Variants in MTAP observed in about 807,000 individuals in gnomAD.
The protein encoded by MTAP is methylthioadenosine phosphorylase, also known as S-methyl-5'-thioadenosine phosphorylase.
Under a neutral mutation model 33.6 loss-of-function variants are expected in MTAP, and 33 were observed. That is an observed-to-expected ratio of 0.98 (90% confidence interval 0.74 to 1.31). MTAP has a LOEUF of 1.31. MTAP is among the 40% of genes most tolerant of loss of function. MTAP has a pLI of 0.00. For missense variants in MTAP, 367 were observed against 360.0 expected (o/e 1.02, Z -0.16); for synonymous variants, 148 against 125.7 (o/e 1.18, Z -1.19).
intron 1 of MTAP, among the ~76,000 whole-genome samples, chr9:21,814,699 A>G (rs1371159208): frequency 6.6e-6 from 1 of 152,224 alleles, no homozygotes; most frequent in African/African-American, 2.4e-5. Context: ...CAATGCATGA[A>G]CTTAAAAAAA....
Position 21,865,734 on chromosome 9 carries a change from C to T in MTAP, c.*3720C>T. The stretch of plus-strand genomic sequence containing the variant: ...TGTTGCCAGCTATGCCTTTGAGAAC[C>T]TCGGGATCCCAAAGAATGAGGGGAA... On this transcript the variant is annotated 3_prime_UTR_variant, in exon 8 of 8. Coordinates refer to ENST00000644715, the MANE Select transcript of MTAP (RefSeq NM_002451.4). The T allele has an allele frequency of 9.6e-7, 1 of 1,040,014 alleles. No individual in the cohort carries two copies. 64.4% of individuals were successfully genotyped at this position (1,040,014 alleles called of 1,614,324 possible). A position where few individuals can be genotyped will look rare whatever the true frequency, so the allele number is the denominator to read the frequency against.
chr9:21,914,793 AAT>A (rs1167352840), intron 1 of MTAP, among the ~76,000 whole-genome samples: 1 of 145,442 alleles, frequency 6.9e-6, no homozygotes, highest in African/African-American at 2.7e-5. Flanking sequence ...ATAAAAAAAA[AAT>A]AATAAACAAA....
downstream of MTAP, chr9:21,932,723 C>T (rs1818982519): frequency 6.6e-6 from 1 of 152,146 alleles, no homozygotes; most frequent in East Asian, 1.9e-4. Context: ...TCCGGGGAAG[C>T]TGATTTGAGC....
intron 4 of MTAP, among the ~76,000 whole-genome samples, chr9:21,835,268 T>C (rs985543273): frequency 6.6e-6 from 1 of 152,174 alleles, no homozygotes; most frequent in Non-Finnish European, 1.5e-5. Flanking sequence ...GATTTCAGCA[T>C]AGGAATTTTG....
rs1825783181 is a variant in MTAP, at chr9:21,862,926, A to G, written c.*912A>G. 2.0e-6 allele frequency: 2 copies of G among 977,282 alleles called. No homozygotes were observed. The highest frequency in any genetic ancestry group is 1.8e-5 in the African/African-American group (1 of 57,016). The allele number at this position is 977,282 out of a possible 1,614,324, so 60.5% of individuals were successfully genotyped here. ...ATCAAATAGTAAAGTTGTTGTAAAA[A>G]TAAAAGTGGATTTAGAAAGATCCAG... is the stretch of plus-strand genomic sequence containing the variant. On this transcript the variant is annotated 3_prime_UTR_variant, in exon 8 of 8. Coordinates refer to ENST00000644715, the MANE Select transcript of MTAP (RefSeq NM_002451.4).
At chr9:21,936,663 G>A (rs1057210345) in exon 8 of MTAP, 1 of 151,896 alleles carries the variant, frequency 6.6e-6, no homozygotes, top group Admixed American at 6.6e-5. Context: ...ATTATAAAAT[G>A]GTATATTTAT....
intron 1 of MTAP, among the ~76,000 whole-genome samples, chr9:21,894,385 T>C (rs1230471478): frequency 1.3e-5 from 2 of 151,944 alleles, no homozygotes; most frequent in Non-Finnish European, 2.9e-5. Flanking sequence ...ATCAACATAG[T>C]ACTGGACGTC....
intron 4 of MTAP, among the ~76,000 whole-genome samples, chr9:21,831,780 T>G (rs953349771): frequency 7.3e-6 from 1 of 136,864 alleles, no homozygotes; most frequent in African/African-American, 2.5e-5. Flanking sequence ...GTTTTGCAGA[T>G]ATTGATTTTT....
chr9:21,887,179 T>G (rs1283630186), intron 1 of MTAP, among the ~76,000 whole-genome samples: 2 of 152,230 alleles, frequency 1.3e-5, no homozygotes, highest in Non-Finnish European at 2.9e-5. Context: ...GTTACATATG[T>G]ATACATGTGC....
At chr9:21,826,847 C>T (rs997389488) in intron 4 of MTAP, among the ~76,000 whole-genome samples, 3 of 151,898 alleles carry the variant, frequency 2.0e-5, no homozygotes, top group African/African-American at 2.4e-5. Flanking sequence ...AGCCGTGGGG[C>T]GAGAGCGAGC....
At chr9:21,813,284 G>A (rs1824397441) in intron 1 of MTAP, among the ~76,000 whole-genome samples, 1 of 152,154 alleles carries the variant, frequency 6.6e-6, no homozygotes, top group African/African-American at 2.4e-5. Flanking sequence ...GTAGGTTTCC[G>A]TAAACAACTG....
intron 1 of MTAP, among the ~76,000 whole-genome samples, chr9:21,912,714 A>G (rs868409606): frequency 1.3e-5 from 2 of 152,314 alleles, no homozygotes; most frequent in South Asian, 4.1e-4. Flanking sequence ...TCTCTTTGAA[A>G]ACTGGCACAA....
intron 1 of MTAP, among the ~76,000 whole-genome samples, chr9:21,899,274 C>G (rs1818348253): frequency 1.3e-5 from 2 of 151,500 alleles, no homozygotes; most frequent in Admixed American, 1.3e-4. Flanking sequence ...AGAAGATATA[C>G]CTAATGTAAA....
downstream of MTAP, among the ~76,000 whole-genome samples, chr9:21,940,417 A>C (rs1038441674): frequency 6.6e-6 from 1 of 152,188 alleles, no homozygotes; most frequent in Non-Finnish European, 1.5e-5. Flanking sequence ...CTATAAAGAG[A>C]AAAACTATAT....
intron 4 of MTAP, among the ~76,000 whole-genome samples, chr9:21,830,150 G>A (rs187802381): frequency 6.6e-6 from 1 of 152,166 alleles, no homozygotes; most frequent in Admixed American, 6.5e-5. Flanking sequence ...TGTGAGTAGA[G>A]CATCCATAGA....
chr9:21,928,850 A>G (rs1049274296), intron 1 of MTAP, among the ~76,000 whole-genome samples: 1 of 151,644 alleles, frequency 6.6e-6, no homozygotes, highest in African/African-American at 2.4e-5. Flanking sequence ...GAGATCTTAT[A>G]TTGTAGGCCA....
chr9:21,900,630 C>T (rs375290694), intron 1 of MTAP, among the ~76,000 whole-genome samples: 2 of 152,208 alleles, frequency 1.3e-5, no homozygotes, highest in East Asian at 3.9e-4. Context: ...GATTTAAAAA[C>T]AAAACTACCA....
chr9:21,921,236 T>C (rs1818782408), intron 1 of MTAP, among the ~76,000 whole-genome samples: 1 of 152,118 alleles, frequency 6.6e-6, no homozygotes, highest in African/African-American at 2.4e-5. Context: ...TTTGTATTTC[T>C]GTGGTCTCAT....
At chr9:21,852,502 T>A (rs1318040225) in intron 5 of MTAP, among the ~76,000 whole-genome samples, 1 of 111,594 alleles carries the variant, frequency 9.0e-6, no homozygotes, top group Non-Finnish European at 1.7e-5. Flanking sequence ...AGAGTGAGAC[T>A]CCATCTCAAA....
Sources: gnomAD v4.1 joint callset for allele counts (sites outside exome capture counted in the v4.1 genomes callset) on GRCh38, gnomAD v4.1.1 for gene constraint, MANE v1.5 for transcripts, NCBI Gene and HGNC (gene_info 2026-07-23, HGNC 2026-07-21) for gene names.